AIG1: variants seen among roughly 807,000 people sequenced by gnomAD.
The protein encoded by AIG1 is androgen-induced gene 1 protein.
Under a neutral mutation model 31.4 loss-of-function variants are expected in AIG1, and 23 were observed. The ratio of observed to expected loss-of-function variants is 0.73; its 90% CI spans 0.53 to 1.04. AIG1 has a LOEUF of 1.04. AIG1 is among the 50% of genes least tolerant of loss of function. The pLI, the probability that AIG1 is intolerant of heterozygous loss-of-function variation, is 0.00. For missense variants in AIG1, 274 were observed against 295.0 expected, an observed-to-expected ratio of 0.93 and a Z score of 0.52; for synonymous variants, 100 against 110.5, an observed-to-expected ratio of 0.90 and a Z score of 0.60.
At chr6:143,194,127 A>G (rs1401090364) in intron 3 of AIG1, among the ~76,000 whole-genome samples, 3 of 152,166 alleles carry the variant, frequency 2.0e-5, no homozygotes, top group African/African-American at 7.2e-5. Flanking sequence ...ATACTACTGG[A>G]GACTAGATAA....
At chr6:143,122,409 T>TA (rs950430039) in intron 1 of AIG1, among the ~76,000 whole-genome samples, 7 of 151,128 alleles carry the variant, frequency 4.6e-5, no homozygotes, top group African/African-American at 9.7e-5. Context: ...AATAGAAAGG[T>TA]AAAAAAAAAT....
At chr6:143,115,450 AG>A (rs149452940) in intron 1 of AIG1, among the ~76,000 whole-genome samples, 14,752 of 152,196 alleles carry the variant, frequency 0.097, 1,182 homozygotes, top group East Asian at 0.38. Flanking sequence ...TATTTATACC[AG>A]GGAGGGAAGA....
intron 1 of AIG1, among the ~76,000 whole-genome samples, chr6:143,067,548 A>T (rs1033613606): frequency 1.3e-5 from 2 of 152,232 alleles, no homozygotes; most frequent in Non-Finnish European, 2.9e-5. Context: ...AAAATGTTAA[A>T]GAGGGAAAAT....
chr6:143,339,691 C>A lies in AIG1; in HGVS notation c.*15C>A. On this transcript the variant is annotated 3_prime_UTR_variant, in exon 6 of 6. Coordinates refer to ENST00000357847, the MANE Select transcript of AIG1 (RefSeq NM_016108.4). ...AATTGGAATGAGATCCAAGTCTAAA[C>A]GCAAGAGCTAGATTGAGCCGCCATT... 1 of 1,612,614 alleles carries A rather than the reference C, an allele frequency of 6.2e-7. No homozygotes were observed. Among genetic ancestry groups the A allele is most frequent in the Non-Finnish European group, 8.5e-7 (1 of 1,179,230 alleles).
chr6:143,109,403 A>G (rs1468372848), intron 1 of AIG1, among the ~76,000 whole-genome samples: 3 of 152,200 alleles, frequency 2.0e-5, no homozygotes, highest in African/African-American at 7.2e-5. Context: ...ACTGGGTTAT[A>G]GAGTCCACAT....
At chr6:143,235,489 G>A (rs541542447) in intron 3 of AIG1, among the ~76,000 whole-genome samples, 5 of 152,214 alleles carry the variant, frequency 3.3e-5, no homozygotes, top group South Asian at 4.2e-4. Flanking sequence ...AGCTAAACCT[G>A]TGCATGAGAA....
intron 3 of AIG1, among the ~76,000 whole-genome samples, chr6:143,259,879 T>G (rs1795626666): frequency 6.6e-6 from 1 of 152,194 alleles, no homozygotes; most frequent in African/African-American, 2.4e-5. Flanking sequence ...GCATTTGAGT[T>G]GCCTAAAAGT....
At chr6:143,093,487 C>T (rs187974455) in intron 1 of AIG1, among the ~76,000 whole-genome samples, 5 of 152,174 alleles carry the variant, frequency 3.3e-5, no homozygotes, top group South Asian at 2.1e-4. Context: ...AAACTTTCTC[C>T]GTGTCAGCAA....
At chr6:143,138,892 C>CAA (rs36106013) in intron 2 of AIG1, among the ~76,000 whole-genome samples, 6 of 72,862 alleles carry the variant, frequency 8.2e-5, no homozygotes, top group East Asian at 6.8e-4. Context: ...GACTCTGTCT[C>CAA]AAAAAAAAAA....
At chr6:143,076,473 T>G (rs1245142561) in intron 1 of AIG1, among the ~76,000 whole-genome samples, 3 of 152,168 alleles carry the variant, frequency 2.0e-5, no homozygotes, top group Non-Finnish European at 2.9e-5. Flanking sequence ...TAAAGTGAAT[T>G]TTTTTGTAGA....
At chr6:143,230,176 C>G (rs1452287929) in intron 3 of AIG1, among the ~76,000 whole-genome samples, 4 of 152,084 alleles carry the variant, frequency 2.6e-5, no homozygotes, top group African/African-American at 9.6e-5. Flanking sequence ...TAGCAGTTTC[C>G]CAATGGAAGG....
chr6:143,317,489 A>C (rs938876975), intron 4 of AIG1, among the ~76,000 whole-genome samples: 1 of 152,150 alleles, frequency 6.6e-6, no homozygotes, highest in African/African-American at 2.4e-5. Context: ...CAAAATTGGC[A>C]TTGAAGGGGC....
intron 4 of AIG1, among the ~76,000 whole-genome samples, chr6:143,320,685 G>A (rs1173382790): frequency 1.3e-5 from 2 of 152,102 alleles, no homozygotes; most frequent in Non-Finnish European, 2.9e-5. Context: ...CCTGGGGCTG[G>A]GAAGGGAATC....
chr6:143,292,736 C>T lies in AIG1; in HGVS notation c.515+8511C>T, dbSNP rs903815316. Among the ~76,000 whole-genome samples the T allele has an allele frequency of 2.6e-5, 4 of 152,016 alleles. No individual in the cohort carries two copies. The highest frequency in any genetic ancestry group is 1.9e-4 in the East Asian group (1 of 5,190). ...CTCTATGGGCCTCAATTTCCTTATC[C>T]GAAACAAAAAAAGCATGATGATAGT... On this transcript the variant is annotated intron_variant, in intron 4 of 5. Transcript: ENST00000357847. This position sits in a 1 kb window ranked among gnomAD's most constrained non-coding sequence, Gnocchi z 4.9.
intron 1 of AIG1, among the ~76,000 whole-genome samples, chr6:143,110,183 A>T (rs12660943): frequency 0.075 from 11,426 of 152,134 alleles, 815 homozygotes; most frequent in East Asian, 0.37. Context: ...CCACTGGTCT[A>T]TTTACCTATC....
rs540124011 is a variant in AIG1 at position 143,168,658 on chromosome 6, C to G, written c.399+3475C>G. 3.3e-5 allele frequency among the ~76,000 whole-genome samples: 5 copies of G among 151,866 alleles called. No homozygotes were observed. In the South Asian group the frequency reaches 1.0e-3, roughly 32 times the overall value. ...CCTGTCTCTTAAAAAAAAAAATTAG[C>G]TGGATGTGGTGGTATGAACATGTAG... On this transcript the variant is annotated intron_variant, in intron 3 of 5. Transcript: ENST00000357847.
chr6:143,129,018 G>A (rs562684809), intron 1 of AIG1, among the ~76,000 whole-genome samples: 10 of 152,304 alleles, frequency 6.6e-5, no homozygotes, highest in Admixed American at 2.6e-4. Context: ...ATGGCTGGGC[G>A]CGGTGGCTCA....
intron 3 of AIG1, among the ~76,000 whole-genome samples, chr6:143,217,601 C>A (rs1792127987): frequency 1.3e-5 from 2 of 152,156 alleles, no homozygotes; most frequent in African/African-American, 4.8e-5. Flanking sequence ...CTCCACCTCC[C>A]AGGTCCAATC....
rs1250095947 is a variant in AIG1, at chr6:143,284,009, T to C, written c.400-101T>C. 1.3e-6 allele frequency: 1 copy of C among 780,886 alleles called. No individual in the cohort carries two copies. 48.4% of individuals were successfully genotyped at this position (780,886 alleles called of 1,614,324 possible). A position where few individuals can be genotyped will look rare whatever the true frequency, so the allele number is the denominator to read the frequency against. On this transcript the variant is annotated intron_variant, in intron 3 of 5. Coordinates refer to ENST00000357847, the MANE Select transcript of AIG1 (RefSeq NM_016108.4). The surrounding 1 kb of genome is among the most constrained non-coding windows in gnomAD (Gnocchi z 4.4). ...CCATAGACTTCTTTCTGCCTGACACTTTCCTAGGAATTTATAGTGTGCATT... is the reference window on the plus strand; with the variant it reads ...CCATAGACTTCTTTCTGCCTGACACCTTCCTAGGAATTTATAGTGTGCATT...
Sources: gnomAD v4.1 joint callset for allele counts (sites outside exome capture counted in the v4.1 genomes callset) on GRCh38, gnomAD v4.1.1 for gene constraint, Gnocchi (gnomAD v3.1) non-coding constraint, MANE v1.5 for transcripts, NCBI Gene and HGNC (gene_info 2026-07-23, HGNC 2026-07-21) for gene names.